NDE1: variants seen among roughly 807,000 people sequenced by gnomAD.
NDE1 encodes nuclear distribution protein nudE homolog 1.
NDE1 carries 28 observed loss-of-function variants against 43.4 expected under a neutral mutation model. That is an observed-to-expected ratio of 0.65 (90% CI 0.48 to 0.89). The LOEUF (loss-of-function observed/expected upper bound fraction) is 0.89, where lower values mean the gene tolerates loss of function less well. Among genes scored for constraint, NDE1 ranks in the 40% least tolerant of loss-of-function variants. NDE1 has a pLI of 0.00. For synonymous variants in NDE1, 184 were observed against 172.0 expected (o/e 1.07, Z -0.55); for missense variants, 441 against 434.1 (o/e 1.02, Z -0.14).
At chr16:15,662,907 G>T (rs1233102668) in intron 1 of NDE1, among the ~76,000 whole-genome samples, 5 of 152,100 alleles carry the variant, frequency 3.3e-5, no homozygotes, top group African/African-American at 1.2e-4. Context: ...TTGCATTGCT[G>T]CAGGAGCTCC....
chr16:15,719,539 C>T (rs1483023838), intron 8 of NDE1: 3 of 1,612,312 alleles, frequency 1.9e-6, no homozygotes, highest in Non-Finnish European at 2.5e-6. Context: ...AGGGGTGCTA[C>T]CGTGACACCC....
chr16:15,645,566 T>C (rs1211079622), upstream of NDE1, among the ~76,000 whole-genome samples: 1 of 152,230 alleles, frequency 6.6e-6, no homozygotes, highest in Non-Finnish European at 1.5e-5. Context: ...TTATTGCTGC[T>C]TTCTAAAGAC....
rs757965375 is a variant in NDE1 at position 15,721,072 on chromosome 16, C to T, written c.948-3119C>T. 1.7e-5 allele frequency: 27 copies of T among 1,611,982 alleles called. 1 individual carries two copies. In the South Asian group the frequency reaches 2.9e-4, roughly 17 times the overall value. On this transcript the variant is annotated intron_variant, in intron 8 of 8. Transcript: ENST00000396354. ...TGGACCTGCCGGCAGAGCGGGCAGCCCCATTCTATGAGGCTCAACTTCATG... is the reference window on the plus strand; with the variant it reads ...TGGACCTGCCGGCAGAGCGGGCAGCTCCATTCTATGAGGCTCAACTTCATG...
At chr16:15,669,904 G>A (rs559949575) in intron 3 of NDE1, among the ~76,000 whole-genome samples, 1 of 152,280 alleles carries the variant, frequency 6.6e-6, no homozygotes, top group African/African-American at 2.4e-5. Context: ...ACATAGCCAG[G>A]TATCTGGAGA....
chr16:15,718,681 T>C, intron 8 of NDE1: 5 of 588,560 alleles, frequency 8.5e-6, no homozygotes, highest in Non-Finnish European at 1.5e-5. Context: ...TCCCTGACTC[T>C]TCCTGGCCTC....
intron 8 of NDE1, chr16:15,718,462 G>T (rs375779637): frequency 4.2e-5 from 65 of 1,542,838 alleles, no homozygotes; most frequent in Middle Eastern, 4.1e-4. Flanking sequence ...GGCCATGGTG[G>T]GGGCCTCTAC....
At chr16:15,654,172 G>A (rs1215943512) in intron 1 of NDE1, among the ~76,000 whole-genome samples, 1 of 152,132 alleles carries the variant, frequency 6.6e-6, no homozygotes, top group Non-Finnish European at 1.5e-5. Flanking sequence ...ATGGTGTGGT[G>A]GCGTATTAAG....
chr16:15,704,205 T>A, intron 8 of NDE1: 1 of 1,555,340 alleles, frequency 6.4e-7, no homozygotes, highest in Non-Finnish European at 8.8e-7. Flanking sequence ...ATTTTAAACT[T>A]GTAGCTATAG....
chr16:15,695,601 T>C (rs919189696), intron 7 of NDE1: 7 of 985,020 alleles, frequency 7.1e-6, no homozygotes, highest in Non-Finnish European at 8.4e-6. Flanking sequence ...AGTAAAAACA[T>C]AGGTATTCTT....
chr16:15,720,361 C>G, intron 8 of NDE1: 1 of 1,586,920 alleles, frequency 6.3e-7, no homozygotes, highest in Non-Finnish European at 8.6e-7. Context: ...CCTGGGAGGT[C>G]CTTTGGCTCA....
chr16:15,717,008 G>A, intron 8 of NDE1: 1 of 986,940 alleles, frequency 1.0e-6, no homozygotes, highest in Non-Finnish European at 1.6e-6. Context: ...CAACATACCT[G>A]CACTGTAGGC....
chr16:15,719,839 A>G, intron 8 of NDE1: 2 of 1,365,202 alleles, frequency 1.5e-6, no homozygotes, highest in Non-Finnish European at 2.1e-6. Context: ...TTCCCATTGC[A>G]CGAGCATGGC....
At chr16:15,716,999 A>G in intron 8 of NDE1, 1 of 962,348 alleles carries the variant, frequency 1.0e-6, no homozygotes, top group South Asian at 1.3e-5. Context: ...CAGTTCTCAC[A>G]ACATACCTGC....
intron 3 of NDE1, among the ~76,000 whole-genome samples, chr16:15,669,360 AT>A (rs1187758200): frequency 1.8e-3 from 225 of 125,556 alleles, no homozygotes; most frequent in Middle Eastern, 4.7e-3. Flanking sequence ...CGCCTGGCTA[AT>A]TTTTTTTTTT....
chr16:15,647,055 A>G (rs2036345167), upstream of NDE1, among the ~76,000 whole-genome samples: 1 of 152,158 alleles, frequency 6.6e-6, no homozygotes, highest in Non-Finnish European at 1.5e-5. Flanking sequence ...GTCTCGAAAT[A>G]AAATAAAATT....
chr16:15,676,595 C>G (rs752222043), intron 3 of NDE1, among the ~76,000 whole-genome samples: 3 of 152,100 alleles, frequency 2.0e-5, no homozygotes, highest in Non-Finnish European at 4.4e-5. Context: ...ATCAAAAATT[C>G]AGAATGGCGG....
At chr16:15,707,840 C>T (rs373818102) in intron 8 of NDE1, among the ~76,000 whole-genome samples, 37 of 151,708 alleles carry the variant, frequency 2.4e-4, no homozygotes, top group African/African-American at 8.7e-4. Flanking sequence ...GGCGAGGTGG[C>T]GGGAGCCTGT....
intron 8 of NDE1, among the ~76,000 whole-genome samples, chr16:15,722,347 CAT>C (rs1289220574): frequency 1.3e-5 from 2 of 152,222 alleles, no homozygotes; most frequent in Non-Finnish European, 2.9e-5. Flanking sequence ...GCCCTGCACA[CAT>C]ATCTCTCTGC....
At chr16:15,679,775 G>A (rs1042713956) in intron 4 of NDE1, among the ~76,000 whole-genome samples, 1 of 150,990 alleles carries the variant, frequency 6.6e-6, no homozygotes, top group Non-Finnish European at 1.5e-5. Flanking sequence ...ACTATTAGTT[G>A]TTTTTTGTTT....
Sources: allele counts gnomAD v4.1 joint callset (sites outside exome capture counted in the v4.1 genomes callset), GRCh38; gene constraint gnomAD v4.1.1; transcripts MANE v1.5; gene names NCBI Gene and HGNC (gene_info 2026-07-23, HGNC 2026-07-21).